MYO5A: variants seen among roughly 807,000 people sequenced by gnomAD.
The protein encoded by MYO5A is unconventional myosin-Va.
In MYO5A, 98 loss-of-function variants were observed where a neutral mutation model predicts 249.7. That is an observed-to-expected ratio of 0.39 (90% CI 0.33 to 0.46). The LOEUF (loss-of-function observed/expected upper bound fraction) is 0.46, where lower values mean the gene tolerates loss of function less well. Among genes scored for constraint, MYO5A ranks in the 20% least tolerant of loss-of-function variants. The pLI, the probability that MYO5A is intolerant of heterozygous loss-of-function variation, is 0.98. For synonymous variants in MYO5A, 778 were observed against 810.6 expected (o/e 0.96, Z 0.68); for missense variants, 1,696 against 2,308.8 (o/e 0.73, Z 5.44).
chr15:52,342,706 G>A (rs919886051), intron 31 of MYO5A, among the ~76,000 whole-genome samples: 1 of 152,106 alleles, frequency 6.6e-6, no homozygotes, highest in Admixed American at 6.5e-5. Context: ...CCTGAGGTCA[G>A]GAGTTCGAGA....
chr15:52,526,342 G>A (rs1038070598), intron 1 of MYO5A, among the ~76,000 whole-genome samples: 1 of 152,156 alleles, frequency 6.6e-6, no homozygotes, highest in African/African-American at 2.4e-5. Context: ...GACCGCAGGC[G>A]TGACTAACTC....
intron 20 of MYO5A, among the ~76,000 whole-genome samples, chr15:52,372,762 C>A (rs2041194905): frequency 1.3e-5 from 2 of 151,992 alleles, no homozygotes; most frequent in African/African-American, 2.4e-5. Flanking sequence ...ACAGATGATC[C>A]TCTATAAAAT....
At chr15:52,351,225 A>G in intron 28 of MYO5A, 29 bp downstream of exon 28, 1 of 1,584,088 alleles carries the variant, frequency 6.3e-7, no homozygotes, top group South Asian at 1.1e-5. Context: ...GTCCCCGAAC[A>G]CCCAGTTTAA....
intron 24 of MYO5A, among the ~76,000 whole-genome samples, chr15:52,363,541 T>C (rs1272714380): frequency 6.6e-6 from 1 of 152,000 alleles, no homozygotes; most frequent in East Asian, 1.9e-4. Context: ...TCTCTTTTAT[T>C]TTGACTTTTA....
chr15:52,425,292 G>A (rs1204487623), intron 4 of MYO5A, among the ~76,000 whole-genome samples: 1 of 152,152 alleles, frequency 6.6e-6, no homozygotes, highest in Non-Finnish European at 1.5e-5. Context: ...ACAGGATCAT[G>A]ATGAAATTTC....
chr15:52,433,331 T>C lies in MYO5A; in HGVS notation c.28-46A>G, dbSNP rs776697019. 5 of 1,129,522 alleles carry C rather than the reference T, an allele frequency of 4.4e-6. No individual in the cohort carries two copies. The African/African-American group carries it at 6.1e-5, about 14-fold the overall frequency. The allele number at this position is 1,129,522 out of a possible 1,614,324, so 70.0% of individuals were successfully genotyped here. A position where few individuals can be genotyped will look rare whatever the true frequency, so the allele number is the denominator to read the frequency against. ...AATTTAAACTAGCAAATCAATTATT[T>C]TACAATCATATATAAACATATGATA... On this transcript the variant is annotated intron_variant, in intron 1 of 41. Coordinates refer to ENST00000399233, the MANE Select transcript of MYO5A (RefSeq NM_001382347.1).
intron 13 of MYO5A, 139 bp downstream of exon 13, chr15:52,389,099 G>A (rs1191630799): frequency 5.1e-6 from 4 of 789,828 alleles, no homozygotes; most frequent in Non-Finnish European, 7.8e-6. Flanking sequence ...AAACCAACAT[G>A]TCAACACTGA....
intron 1 of MYO5A, among the ~76,000 whole-genome samples, chr15:52,448,674 G>A (rs2075947051): frequency 6.6e-6 from 1 of 152,104 alleles, no homozygotes; most frequent in Non-Finnish European, 1.5e-5. Flanking sequence ...GGAGGTGACT[G>A]GATCACGGGG....
chr15:52,389,461 C>G, intron 12 of MYO5A, 98 bp from the exon 13 acceptor site: 1 of 1,164,794 alleles, frequency 8.6e-7, no homozygotes, highest in Non-Finnish European at 1.2e-6. Context: ...TTTTTTTTGG[C>G]TTTAACTAAT....
At chr15:52,416,368 C>G in intron 4 of MYO5A, 67 bp from the exon 5 acceptor site, 2 of 1,508,564 alleles carry the variant, frequency 1.3e-6, no homozygotes, top group Admixed American at 1.8e-5. Context: ...ATAAGGGAAA[C>G]TATGGTCTCT....
chr15:52,459,547 G>A (rs960402479), intron 1 of MYO5A, among the ~76,000 whole-genome samples: 1 of 152,196 alleles, frequency 6.6e-6, no homozygotes, highest in Non-Finnish European at 1.5e-5. Context: ...AGAACAAAAT[G>A]GAGTCTCCTA....
chr15:52,442,376 G>A (rs1034019840), intron 1 of MYO5A, among the ~76,000 whole-genome samples: 2 of 152,206 alleles, frequency 1.3e-5, no homozygotes, highest in Non-Finnish European at 2.9e-5. Flanking sequence ...AAAAAGGGGT[G>A]TGGAGTGCTG....
chr15:52,446,984 G>A (rs1317793402), intron 1 of MYO5A, among the ~76,000 whole-genome samples: 1 of 152,120 alleles, frequency 6.6e-6, no homozygotes, highest in African/African-American at 2.4e-5. Context: ...ATAAGACTTT[G>A]GATTTGGACT....
chr15:52,347,009 T>C (rs886924825), intron 29 of MYO5A, among the ~76,000 whole-genome samples: 2 of 151,982 alleles, frequency 1.3e-5, no homozygotes, highest in Admixed American at 6.5e-5. Flanking sequence ...AAGTTTTTTT[T>C]CTCACATTCA....
intron 33 of MYO5A, 48 bp from the exon 34 acceptor site, chr15:52,336,604 C>T: frequency 1.5e-6 from 2 of 1,327,544 alleles, no homozygotes; most frequent in South Asian, 2.5e-5. Flanking sequence ...AACAGGCCTT[C>T]TAAAATGCAT....
intron 1 of MYO5A, among the ~76,000 whole-genome samples, chr15:52,440,421 C>T (rs1487493630): frequency 6.6e-6 from 1 of 152,208 alleles, no homozygotes; most frequent in Non-Finnish European, 1.5e-5. Flanking sequence ...GCATGCACCA[C>T]AACACCTGGC....
rs754001977 is a variant in MYO5A at position 52,376,600 on chromosome 15, A to G, written c.2209-42T>C. On this transcript the variant is annotated intron_variant, in intron 18 of 41. Coordinates refer to ENST00000399233, the MANE Select transcript of MYO5A (RefSeq NM_001382347.1). ...TTGTATATTCAGAAATAATAATCAT[A>G]TAAGTGAAATTTAAAAGAAAAAATG... The G allele has an allele frequency of 4.5e-6, 7 of 1,552,064 alleles. No homozygotes were observed. In the East Asian group the frequency reaches 1.2e-4, roughly 26 times the overall value.
At chr15:52,377,082 C>T (rs1187398898) in intron 18 of MYO5A, among the ~76,000 whole-genome samples, 1 of 152,122 alleles carries the variant, frequency 6.6e-6, no homozygotes, top group Non-Finnish European at 1.5e-5. Context: ...TTGGCTTTAT[C>T]AATAATATCT....
intron 1 of MYO5A, among the ~76,000 whole-genome samples, chr15:52,439,243 C>G (rs934989408): frequency 1.2e-4 from 18 of 152,202 alleles, no homozygotes; most frequent in Non-Finnish European, 2.5e-4. Flanking sequence ...CTTGGGAGCT[C>G]TGGGAGCAAG....
Sources: allele counts gnomAD v4.1 joint callset (sites outside exome capture counted in the v4.1 genomes callset), GRCh38; gene constraint gnomAD v4.1.1; transcripts MANE v1.5; gene names NCBI Gene and HGNC (gene_info 2026-07-23, HGNC 2026-07-21).